HHLA2: variants seen among roughly 807,000 people sequenced by gnomAD.
HHLA2 encodes the protein HERV-H LTR-associating protein 2.
A neutral mutation model predicts 45.9 loss-of-function variants in HHLA2; 48 were observed. The ratio of observed to expected loss-of-function variants is 1.05; its 90% CI spans 0.83 to 1.33. The LOEUF (loss-of-function observed/expected upper bound fraction) is 1.33, where lower values mean the gene tolerates loss of function less well. Ranked by LOEUF, HHLA2 falls within the 40% of genes most tolerant of loss-of-function variation. The pLI is 0.00. For missense variants in HHLA2, 462 were observed against 494.3 expected, an observed-to-expected ratio of 0.93 and a Z score of 0.62; for synonymous variants, 161 against 173.9, an observed-to-expected ratio of 0.93 and a Z score of 0.59.
chr3:108,347,369 GGCTCAT>G lies in HHLA2; in HGVS notation c.-26-4409_-26-4404del, dbSNP rs369693980. Among the ~76,000 whole-genome samples, 722 of 152,070 alleles carry G rather than the reference GGCTCAT, an allele frequency of 4.7e-3. 8 individuals are homozygous for G. Among genetic ancestry groups the G allele is most frequent in the African/African-American group, 0.017 (691 of 41,474 alleles). ...AATAGTCCTCAGAGACTCAATTTTTGGCTCATGCTCATGCTGACCCTTGAATTGGAG... is the reference window on the plus strand; with the variant it reads ...AATAGTCCTCAGAGACTCAATTTTTGGCTCATGCTGACCCTTGAATTGGAG... On this transcript the variant is annotated intron_variant, in intron 3 of 10. Transcript: ENST00000619531.
intron 3 of HHLA2, among the ~76,000 whole-genome samples, chr3:108,335,029 C>A (rs1312372196): frequency 1.3e-5 from 2 of 152,202 alleles, no homozygotes; most frequent in African/African-American, 2.4e-5. Context: ...ATTCCTGTGG[C>A]AAATCCTAAT....
intron 2 of HHLA2, among the ~76,000 whole-genome samples, chr3:108,311,229 G>C (rs865791074): frequency 1.3e-4 from 20 of 152,088 alleles, no homozygotes; most frequent in African/African-American, 4.6e-4. Context: ...GGATGGCCTT[G>C]GTCTAAACTG....
intron 1 of HHLA2, among the ~76,000 whole-genome samples, chr3:108,306,414 C>A (rs947640335): frequency 3.3e-5 from 5 of 152,154 alleles, no homozygotes; most frequent in African/African-American, 4.8e-5. Flanking sequence ...CTCATACAGT[C>A]TTTTCCTGGG....
intron 3 of HHLA2, among the ~76,000 whole-genome samples, chr3:108,350,962 G>C (rs1168313519): frequency 1.3e-5 from 2 of 152,162 alleles, no homozygotes; most frequent in African/African-American, 2.4e-5. Flanking sequence ...TGGTATTACA[G>C]GTGTGAACCA....
chr3:108,310,805 A>G (rs1264918683), intron 2 of HHLA2, 64 bp downstream of exon 2: 2 of 152,622 alleles, frequency 1.3e-5, no homozygotes, highest in Non-Finnish European at 2.9e-5. Context: ...AAAAATTTTA[A>G]TACAACATTT....
intron 1 of HHLA2, among the ~76,000 whole-genome samples, chr3:108,306,513 C>A (rs1302051480): frequency 6.6e-6 from 1 of 152,080 alleles, no homozygotes; most frequent in Non-Finnish European, 1.5e-5. Flanking sequence ...TCCCTCTGTG[C>A]GTGTGTGTGA....
At chr3:108,312,890 G>A (rs1480342691) in intron 2 of HHLA2, among the ~76,000 whole-genome samples, 1 of 152,188 alleles carries the variant, frequency 6.6e-6, no homozygotes, top group Admixed American at 6.5e-5. Context: ...CTGGTGAGAT[G>A]GTGAAATGGA....
At chr3:108,313,309 C>T (rs1462724513) in intron 2 of HHLA2, among the ~76,000 whole-genome samples, 1 of 151,988 alleles carries the variant, frequency 6.6e-6, no homozygotes, top group African/African-American at 2.4e-5. Flanking sequence ...GGGAGTGAAA[C>T]CAGCAGTGAG....
At chr3:108,358,160 A>C (rs1467994077) in exon 7 of HHLA2, 2 of 1,594,862 alleles carry the variant, frequency 1.3e-6, no homozygotes, top group African/African-American at 2.7e-5. Flanking sequence ...CAGTGCATGT[A>C]GGTAAGTTGC....
chr3:108,373,553 T>C (rs995724969), intron 8 of HHLA2, among the ~76,000 whole-genome samples: 4 of 152,334 alleles, frequency 2.6e-5, no homozygotes, highest in African/African-American at 9.6e-5. Context: ...TGTTTGCAGA[T>C]GACATGACGG....
intron 2 of HHLA2, among the ~76,000 whole-genome samples, chr3:108,316,251 G>A (rs1214705341): frequency 1.3e-5 from 2 of 152,144 alleles, no homozygotes; most frequent in Admixed American, 6.6e-5. Flanking sequence ...AGAAAGAAGG[G>A]AAGAAGTTCC....
chr3:108,354,276 A>G (rs955870863), intron 5 of HHLA2, among the ~76,000 whole-genome samples: 13 of 152,054 alleles, frequency 8.5e-5, no homozygotes, highest in African/African-American at 3.1e-4. Context: ...CTATATAACT[A>G]TAAGCCATTA....
intron 3 of HHLA2, 25 bp from the exon 3 acceptor site, chr3:108,351,761 CAT>C (rs753178726): frequency 1.3e-5 from 19 of 1,447,754 alleles, no homozygotes; most frequent in Admixed American, 1.7e-5. Flanking sequence ...AAATCCATAA[CAT>C]GTGCACTTTA....
At chr3:108,325,867 T>G in intron 2 of HHLA2, 1 of 399,446 alleles carries the variant, frequency 2.5e-6, no homozygotes, top group Non-Finnish European at 4.8e-6. Context: ...TAGAACTACT[T>G]TGACCTCTTT....
At chr3:108,367,133 A>C (rs907101055) in intron 8 of HHLA2, among the ~76,000 whole-genome samples, 1 of 152,216 alleles carries the variant, frequency 6.6e-6, no homozygotes, top group Non-Finnish European at 1.5e-5. Flanking sequence ...TAGAAGAAAA[A>C]CTAACAAACA....
intron 2 of HHLA2, among the ~76,000 whole-genome samples, chr3:108,321,781 C>T (rs538136269): frequency 6.6e-6 from 1 of 152,072 alleles, no homozygotes; most frequent in Non-Finnish European, 1.5e-5. Context: ...AGAGTTGTCA[C>T]CTGATTTTAA....
chr3:108,330,419 C>T (rs2081366695), intron 3 of HHLA2, among the ~76,000 whole-genome samples: 1 of 152,162 alleles, frequency 6.6e-6, no homozygotes, highest in South Asian at 2.1e-4. Flanking sequence ...ATTGGATAGT[C>T]ACTGCTTTAA....
chr3:108,364,551 T>C (rs779083047), intron 8 of HHLA2, among the ~76,000 whole-genome samples: 2 of 152,230 alleles, frequency 1.3e-5, no homozygotes, highest in African/African-American at 2.4e-5. Context: ...TGGTTCCAGA[T>C]CCTTGAGGAA....
intron 3 of HHLA2, among the ~76,000 whole-genome samples, chr3:108,342,273 T>C (rs1290968395): frequency 6.8e-6 from 1 of 146,940 alleles, no homozygotes; most frequent in African/African-American, 2.5e-5. Flanking sequence ...TTTTTTTTTT[T>C]TTTTTTTGAG....
Sources: allele counts gnomAD v4.1 joint callset (sites outside exome capture counted in the v4.1 genomes callset), GRCh38; gene constraint gnomAD v4.1.1; transcripts MANE v1.5; gene names NCBI Gene and HGNC (gene_info 2026-07-23, HGNC 2026-07-21).